Variants in IFT74 observed in about 807,000 individuals in gnomAD.
The protein encoded by IFT74 is intraflagellar transport protein 74 homolog.
A neutral mutation model predicts 96.7 loss-of-function variants in IFT74; 92 were observed. The observed-to-expected ratio is 0.95, with a 90% CI of 0.80 to 1.13. The LOEUF is 1.13. Ranked by LOEUF, IFT74 falls within the 50% of genes most tolerant of loss-of-function variation. IFT74 has a pLI of 0.00. For synonymous variants in IFT74, 223 were observed against 213.2 expected (o/e 1.05, Z -0.40); for missense variants, 811 against 698.2 (o/e 1.16, Z -1.82).
At chr9:26,951,756 G>A (rs570363337), upstream of IFT74, among the ~76,000 whole-genome samples, 44 of 152,212 alleles carry the variant, frequency 2.9e-4, no homozygotes, top group Middle Eastern at 3.4e-3. Context: ...AAAATTAGCC[G>A]GGTGTGGTGG....
intron 9 of IFT74, 61 bp from the exon 10 acceptor site, chr9:27,011,845 A>G: frequency 8.9e-7 from 1 of 1,129,918 alleles, no homozygotes; most frequent in African/African-American, 1.6e-5. Context: ...CCCTCCCCCC[A>G]CTACAACAAA....
chr9:26,994,593 G>C (rs1828049606), intron 8 of IFT74: 1 of 150,494 alleles, frequency 6.6e-6, no homozygotes, highest in Non-Finnish European at 1.5e-5. Flanking sequence ...TAAACTACTA[G>C]TTTTTCCTGT....
chr9:27,003,149 C>G (rs904984240), intron 8 of IFT74, among the ~76,000 whole-genome samples: 1 of 151,878 alleles, frequency 6.6e-6, no homozygotes, highest in Non-Finnish European at 1.5e-5. Context: ...TATCTTGCAA[C>G]TTTACTGAAT....
chr9:26,967,474 G>A (rs554906630), intron 2 of IFT74, among the ~76,000 whole-genome samples: 27 of 152,142 alleles, frequency 1.8e-4, no homozygotes, highest in African/African-American at 5.8e-4. Context: ...CTATTTATCA[G>A]TTCAGATAGT....
intron 2 of IFT74, among the ~76,000 whole-genome samples, chr9:26,974,995 T>G (rs1827046379): frequency 6.6e-6 from 1 of 152,152 alleles, no homozygotes; most frequent in Non-Finnish European, 1.5e-5. Flanking sequence ...TTGTTCTATC[T>G]CACGTTGAAG....
intron 12 of IFT74, among the ~76,000 whole-genome samples, chr9:27,024,837 A>G (rs1829781343): frequency 6.6e-6 from 1 of 152,036 alleles, no homozygotes; most frequent in Non-Finnish European, 1.5e-5. Flanking sequence ...ACTTCTGGAA[A>G]TGAAAGACAC....
At chr9:27,049,646 T>A (rs1819840130) in intron 16 of IFT74, among the ~76,000 whole-genome samples, 1 of 152,190 alleles carries the variant, frequency 6.6e-6, no homozygotes, top group East Asian at 1.9e-4. Context: ...ATCTAATCTG[T>A]TTCCTCAAGA....
chr9:27,031,244 C>T (rs879365319), intron 13 of IFT74, among the ~76,000 whole-genome samples: 2 of 151,924 alleles, frequency 1.3e-5, no homozygotes, highest in Non-Finnish European at 2.9e-5. Context: ...TTTGGGATGC[C>T]GAGGTGGGCG....
At chr9:26,960,100 T>C (rs1368538449) in intron 1 of IFT74, among the ~76,000 whole-genome samples, 1 of 152,194 alleles carries the variant, frequency 6.6e-6, no homozygotes, top group Non-Finnish European at 1.5e-5. Flanking sequence ...GGGGACTCCA[T>C]TGGACATTTC....
chr9:26,999,197 G>C (rs1828339382), intron 8 of IFT74, among the ~76,000 whole-genome samples: 1 of 152,102 alleles, frequency 6.6e-6, no homozygotes, highest in East Asian at 1.9e-4. Context: ...AATAGTTCTT[G>C]TTTTTACTGA....
chr9:26,961,981 A>T lies in IFT74; in HGVS notation c.14A>T (p.His5Leu), dbSNP rs988191841. ...AGTGAAGAAACAATGGCCAGCAATC[A>T]CAAATCTTCAGCAGCTCGCCCTGTT... MASN[H>L]KSSAARPVSR... Residue 5 changes from histidine (H) to leucine (L), a missense_variant, in exon 2 of 20, where the codon CAC becomes CTC. His to Leu is a moderately conservative substitution (Grantham distance 99). Coordinates refer to ENST00000380062, the MANE Select transcript of IFT74 (RefSeq NM_025103.4). The T allele has an allele frequency of 6.2e-7, 1 of 1,614,108 alleles. No homozygotes were observed. Among genetic ancestry groups the T allele is most frequent in the Non-Finnish European group, 8.5e-7 (1 of 1,180,040 alleles).
At chr9:27,017,381 C>G (rs1440327007) in intron 11 of IFT74, among the ~76,000 whole-genome samples, 2 of 152,016 alleles carry the variant, frequency 1.3e-5, no homozygotes, top group African/African-American at 4.8e-5. Context: ...GCCAACACAC[C>G]AATTTTTTAT....
At chr9:27,061,695 A>ATG (rs1554680567) in intron 19 of IFT74, among the ~76,000 whole-genome samples, 3 of 148,480 alleles carry the variant, frequency 2.0e-5, no homozygotes, top group Non-Finnish European at 3.0e-5. Context: ...ATATATATAT[A>ATG]TGTACATAAT....
chr9:26,998,355 C>T (rs1252971069), intron 8 of IFT74: 2 of 600,568 alleles, frequency 3.3e-6, no homozygotes, highest in Non-Finnish European at 5.3e-6. Context: ...GGAAAAAAAC[C>T]TACTATCTAA....
At chr9:27,061,577 A>T (rs1820422658) in intron 19 of IFT74, among the ~76,000 whole-genome samples, 1 of 151,860 alleles carries the variant, frequency 6.6e-6, no homozygotes, top group Admixed American at 6.6e-5. Flanking sequence ...TCTCGGCCCC[A>T]GAATTGTATC....
intron 9 of IFT74, among the ~76,000 whole-genome samples, chr9:27,009,789 C>A (rs1587346300): frequency 6.6e-6 from 1 of 152,020 alleles, no homozygotes; most frequent in East Asian, 1.9e-4. Context: ...TGGCTATTGT[C>A]CTGTAATTAT....
At chr9:27,026,489 A>G (rs1162506356) in intron 12 of IFT74, among the ~76,000 whole-genome samples, 1 of 152,212 alleles carries the variant, frequency 6.6e-6, no homozygotes. Context: ...ACAGATATTT[A>G]TAGAACATTC....
At chr9:26,947,920 C>T (rs62546683) in intron 1 of IFT74, among the ~76,000 whole-genome samples, 2 of 152,148 alleles carry the variant, frequency 1.3e-5, no homozygotes, top group African/African-American at 2.4e-5. Context: ...CCCACCCACC[C>T]GTGGTGCTAC....
At chr9:27,029,325 C>T (rs1281109320) in intron 13 of IFT74, among the ~76,000 whole-genome samples, 2 of 151,254 alleles carry the variant, frequency 1.3e-5, no homozygotes, top group Non-Finnish European at 2.9e-5. Context: ...ATTTATTTAG[C>T]TTTGCCAAGC....
Sources: allele counts gnomAD v4.1 joint callset (sites outside exome capture counted in the v4.1 genomes callset), GRCh38; gene constraint gnomAD v4.1.1; transcripts MANE v1.5; gene names NCBI Gene and HGNC (gene_info 2026-07-23, HGNC 2026-07-21).